The following BHMT variants were observed in gnomAD, a reference collection of about 807,000 sequenced individuals.
The protein encoded by BHMT is betaine--homocysteine S-methyltransferase, also known as betaine--homocysteine S-methyltransferase 1.
BHMT carries 38 observed loss-of-function variants against 49.5 expected under a neutral mutation model. The observed-to-expected ratio is 0.77, with a 90% CI of 0.59 to 1.01. The LOEUF (loss-of-function observed/expected upper bound fraction) is 1.01, where lower values mean the gene tolerates loss of function less well. BHMT is among the 50% of genes least tolerant of loss of function. The pLI, the probability that BHMT is intolerant of heterozygous loss-of-function variation, is 0.00. For missense variants in BHMT, 426 were observed against 495.7 expected (o/e 0.86, Z 1.34); for synonymous variants, 166 against 176.3 (o/e 0.94, Z 0.46).
intron 4 of BHMT, 98 bp downstream of exon 4, chr5:79,120,639 T>A: frequency 9.3e-7 from 1 of 1,077,842 alleles, no homozygotes; most frequent in African/African-American, 1.6e-5. Flanking sequence ...GTGACAATCA[T>A]AACTAGCAAT....
At chr5:79,126,282 A>G in intron 6 of BHMT, 54 bp downstream of exon 6, 1 of 1,571,406 alleles carries the variant, frequency 6.4e-7, no homozygotes, top group Non-Finnish European at 8.7e-7. Flanking sequence ...TATGCATATA[A>G]ACTCAAGTAA....
chr5:79,115,396 G>C (rs1756371648), intron 1 of BHMT, among the ~76,000 whole-genome samples: 1 of 150,742 alleles, frequency 6.6e-6, no homozygotes, highest in Non-Finnish European at 1.5e-5. Flanking sequence ...AAGAAGACTA[G>C]TATTTACCAT....
At chr5:79,125,000 G>T (rs1580273519) in intron 5 of BHMT, among the ~76,000 whole-genome samples, 1 of 152,142 alleles carries the variant, frequency 6.6e-6, no homozygotes, top group Non-Finnish European at 1.5e-5. Flanking sequence ...CTGGTGAAAA[G>T]GAATATTTAT....
intron 5 of BHMT, among the ~76,000 whole-genome samples, chr5:79,124,499 A>G (rs913828978): frequency 7.9e-5 from 12 of 151,900 alleles, no homozygotes; most frequent in African/African-American, 2.9e-4. Context: ...CTATTTGGGA[A>G]TTCCTCCCAC....
chr5:79,111,814 G>T lies in BHMT; in HGVS notation c.-72G>T. 1.3e-6 allele frequency: 2 copies of T among 1,593,934 alleles called. No individual in the cohort carries two copies. ...GCAGGCTGCGGACTCGGAGCAGCTC[G>T]GGGCTGCGCAGCGGGAAGGCTCGCC... On this transcript the variant is annotated 5_prime_UTR_variant, in exon 1 of 8. Coordinates refer to ENST00000274353, the MANE Select transcript of BHMT (RefSeq NM_001713.3).
At chr5:79,126,285 TC>T in intron 6 of BHMT, 57 bp downstream of exon 6, 2 of 1,562,796 alleles carry the variant, frequency 1.3e-6, no homozygotes, top group Non-Finnish European at 1.8e-6. Context: ...GCATATAAAC[TC>T]AAGTAAATCT....
At chr5:79,117,866 TG>T (rs1413138040) in intron 2 of BHMT, among the ~76,000 whole-genome samples, 3 of 152,240 alleles carry the variant, frequency 2.0e-5, no homozygotes, top group African/African-American at 7.2e-5. Context: ...ACCAAGTTTT[TG>T]TGAAATCCAA....
intron 5 of BHMT, among the ~76,000 whole-genome samples, chr5:79,122,663 G>GAT (rs1756489493): frequency 6.6e-6 from 1 of 151,420 alleles, no homozygotes; most frequent in African/African-American, 2.4e-5. Flanking sequence ...GGATATTGTG[G>GAT]ATATATATAC....
chr5:79,119,114 T>C, intron 2 of BHMT, 145 bp from the exon 3 acceptor site: 1 of 626,670 alleles, frequency 1.6e-6, no homozygotes, highest in Non-Finnish European at 2.7e-6. Context: ...ACTTCAGATC[T>C]ACCTCTCATC....
chr5:79,121,865 C>T (rs919688150), intron 5 of BHMT, among the ~76,000 whole-genome samples: 1 of 150,106 alleles, frequency 6.7e-6, no homozygotes, highest in African/African-American at 2.5e-5. Context: ...TTCCAATCAT[C>T]GAGAATGTTA....
chr5:79,128,757 C>T (rs1756593533), intron 7 of BHMT, among the ~76,000 whole-genome samples: 1 of 151,916 alleles, frequency 6.6e-6, no homozygotes, highest in African/African-American at 2.4e-5. Context: ...AAGGTCTTTG[C>T]CCTCAGAGTT....
chr5:79,115,997 C>G (rs1481015163), intron 2 of BHMT, 98 bp downstream of exon 2: 4 of 1,395,090 alleles, frequency 2.9e-6, no homozygotes, highest in African/African-American at 1.5e-5. Context: ...GTGGGAAGAC[C>G]ACTTGAGCCC....
At chr5:79,120,647 A>G in intron 4 of BHMT, 106 bp downstream of exon 4, 1 of 1,028,956 alleles carries the variant, frequency 9.7e-7, no homozygotes, top group South Asian at 2.6e-5. Context: ...CATAACTAGC[A>G]ATAGTAATAT....
chr5:79,128,424 G>T (rs995022767), intron 7 of BHMT, among the ~76,000 whole-genome samples: 1 of 151,212 alleles, frequency 6.6e-6, no homozygotes, highest in Admixed American at 6.6e-5. Context: ...CAGCTACTTG[G>T]GAGGCTGAGG....
At chr5:79,117,174 G>C (rs1756398128) in intron 2 of BHMT, among the ~76,000 whole-genome samples, 2 of 152,290 alleles carry the variant, frequency 1.3e-5, no homozygotes, top group Admixed American at 1.3e-4. Flanking sequence ...GGAAAAATCT[G>C]ATAAAATTTT....
At chr5:79,120,620 T>C in intron 4 of BHMT, 79 bp downstream of exon 4, 2 of 1,319,482 alleles carry the variant, frequency 1.5e-6, no homozygotes, top group Non-Finnish European at 1.0e-6. Context: ...GAGTACTGTG[T>C]GGGGTTAGGT....
chr5:79,123,286 C>A (rs75230178), intron 5 of BHMT, among the ~76,000 whole-genome samples: 2 of 152,108 alleles, frequency 1.3e-5, no homozygotes, highest in Non-Finnish European at 1.5e-5. Flanking sequence ...CTACTTGGAA[C>A]AAGAATGAAG....
At chr5:79,126,368 C>A in intron 6 of BHMT, 140 bp downstream of exon 6, 2 of 993,702 alleles carry the variant, frequency 2.0e-6, no homozygotes, top group Non-Finnish European at 2.9e-6. Context: ...TGGTTTCTGT[C>A]CCTGCAGCCA....
rs1756427156 is a variant in BHMT, at chr5:79,119,113, C to A, written c.167-146C>A. On this transcript the variant is annotated intron_variant, in intron 2 of 7. Coordinates refer to ENST00000274353, the MANE Select transcript of BHMT (RefSeq NM_001713.3). ...CAGGAGTTTCCAAGAGACTTCAGATCTACCTCTCATCTACCCCTAAGATGT... is the reference window on the plus strand; with the variant it reads ...CAGGAGTTTCCAAGAGACTTCAGATATACCTCTCATCTACCCCTAAGATGT... 6 of 622,390 alleles carry A rather than the reference C, an allele frequency of 9.6e-6. No homozygotes were observed. The East Asian group carries it at 1.7e-4, about 18-fold the overall frequency. 38.6% of individuals were successfully genotyped at this position (622,390 alleles called of 1,614,324 possible). A position where few individuals can be genotyped will look rare whatever the true frequency, so the allele number is the denominator to read the frequency against.
Sources: gnomAD v4.1 joint callset for allele counts (sites outside exome capture counted in the v4.1 genomes callset) on GRCh38, gnomAD v4.1.1 for gene constraint, MANE v1.5 for transcripts, NCBI Gene and HGNC (gene_info 2026-07-23, HGNC 2026-07-21) for gene names.